The following VEZT variants were observed in gnomAD, a reference collection of about 807,000 sequenced individuals.
VEZT encodes the protein vezatin, adherens junctions transmembrane protein, also known as vezatin.
In VEZT, 39 loss-of-function variants were observed where a neutral mutation model predicts 79.9. The observed-to-expected ratio is 0.49, with a 90% CI of 0.38 to 0.64. VEZT has a LOEUF of 0.64. Among genes scored for constraint, VEZT ranks in the 30% least tolerant of loss-of-function variants. The pLI is 0.00. For synonymous variants in VEZT, 325 were observed against 327.6 expected (o/e 0.99, Z 0.09); for missense variants, 837 against 893.1 (o/e 0.94, Z 0.80).
chr12:95,270,000 A>G, intron 5 of VEZT, 51 bp from the exon 6 acceptor site: 6 of 1,570,196 alleles, frequency 3.8e-6, no homozygotes, highest in Non-Finnish European at 4.3e-6. Flanking sequence ...CAAAAACTTT[A>G]GGACACCTGT....
chr12:95,262,821 A>T, intron 3 of VEZT, 85 bp from the exon 4 acceptor site: 1 of 1,260,412 alleles, frequency 7.9e-7, no homozygotes. Flanking sequence ...AACACCACCA[A>T]ATTTTATTAG....
chr12:95,221,822 G>A (rs2057636771), intron 1 of VEZT, among the ~76,000 whole-genome samples: 1 of 151,864 alleles, frequency 6.6e-6, no homozygotes, highest in Non-Finnish European at 1.5e-5. Context: ...GTGACAGAGT[G>A]AGACCATATC....
chr12:95,257,871 A>C (rs754038334), intron 3 of VEZT, among the ~76,000 whole-genome samples: 3 of 152,002 alleles, frequency 2.0e-5, no homozygotes, highest in Non-Finnish European at 4.4e-5. Context: ...GATTGTTTAC[A>C]AAGTGCTTTC....
chr12:95,236,917 T>C (rs1252804508), intron 1 of VEZT, among the ~76,000 whole-genome samples: 1 of 152,134 alleles, frequency 6.6e-6, no homozygotes, highest in African/African-American at 2.4e-5. Flanking sequence ...GAACTATAGC[T>C]CATCTGAAGC....
At chr12:95,299,377 G>A (rs1201597363) in intron 11 of VEZT, 1 of 152,868 alleles carries the variant, frequency 6.5e-6, no homozygotes, top group East Asian at 1.9e-4. Flanking sequence ...CATCAAGAGG[G>A]GCTAAATAAA....
chr12:95,289,778 TA>T (rs766085501), intron 9 of VEZT, among the ~76,000 whole-genome samples: 47 of 152,230 alleles, frequency 3.1e-4, no homozygotes, highest in Admixed American at 5.2e-4. Flanking sequence ...AAAAAGGTCT[TA>T]TTTTGAAATC....
intron 1 of VEZT, among the ~76,000 whole-genome samples, chr12:95,236,575 CTTT>C (rs767088513): frequency 1.4e-5 from 2 of 141,966 alleles, no homozygotes; most frequent in Non-Finnish European, 3.1e-5. Context: ...TTACTGAATT[CTTT>C]TTTTTTTTTT....
chr12:95,274,989 G>A, intron 7 of VEZT, 100 bp downstream of exon 7: 1 of 1,392,466 alleles, frequency 7.2e-7, no homozygotes, highest in Non-Finnish European at 9.6e-7. Context: ...TCCACTCATT[G>A]TTTGCTGCAT....
At chr12:95,222,177 T>G (rs1325890809) in intron 1 of VEZT, among the ~76,000 whole-genome samples, 2 of 152,328 alleles carry the variant, frequency 1.3e-5, no homozygotes, top group East Asian at 3.9e-4. Context: ...AGCTCCTTAT[T>G]ATAATCCAAT....
intron 7 of VEZT, among the ~76,000 whole-genome samples, chr12:95,280,524 TAC>T (rs10611290): frequency 0.18 from 24,067 of 136,900 alleles, 2,244 homozygotes; most frequent in African/African-American, 0.28. Flanking sequence ...TTCATATGTG[TAC>T]ACACACACAC....
intron 6 of VEZT, among the ~76,000 whole-genome samples, chr12:95,273,361 A>G (rs571930736): frequency 4.6e-5 from 7 of 152,346 alleles, no homozygotes; most frequent in African/African-American, 1.2e-4. Flanking sequence ...ATGCATGCAT[A>G]TATACCTACG....
At chr12:95,223,379 C>T (rs2057916324) in intron 1 of VEZT, among the ~76,000 whole-genome samples, 1 of 152,028 alleles carries the variant, frequency 6.6e-6, no homozygotes, top group Non-Finnish European at 1.5e-5. Flanking sequence ...CAAATTAGAT[C>T]TGATTGTTGT....
intron 4 of VEZT, among the ~76,000 whole-genome samples, chr12:95,264,240 G>A (rs1401138507): frequency 1.3e-5 from 2 of 152,150 alleles, no homozygotes. Flanking sequence ...GGAGCTGATA[G>A]AAGGAACCAT....
At chr12:95,282,731 C>A in intron 8 of VEZT, 87 bp downstream of exon 8, 1 of 1,202,504 alleles carries the variant, frequency 8.3e-7, no homozygotes, top group Non-Finnish European at 1.1e-6. Context: ...TGTGTCCTAC[C>A]TAGAAAAAAG....
At chr12:95,293,739 G>A (rs1293799044) in intron 9 of VEZT, 2 of 155,618 alleles carry the variant, frequency 1.3e-5, no homozygotes, top group Non-Finnish European at 2.8e-5. Flanking sequence ...AGAGAGAAGG[G>A]CAGGTCCTCT....
At chr12:95,236,186 C>T (rs1676667287) in intron 1 of VEZT, among the ~76,000 whole-genome samples, 1 of 152,144 alleles carries the variant, frequency 6.6e-6, no homozygotes, top group Non-Finnish European at 1.5e-5. Context: ...CTTGGGAGGC[C>T]GAGGCTGGCG....
At chr12:95,274,618 C>T in intron 6 of VEZT, 124 bp from the exon 7 acceptor site, 1 of 960,262 alleles carries the variant, frequency 1.0e-6, no homozygotes, top group East Asian at 2.6e-5. Context: ...TGTTTAAAAA[C>T]TGCTGTAAAC....
intron 5 of VEZT, among the ~76,000 whole-genome samples, chr12:95,267,814 G>A (rs2065820371): frequency 6.6e-6 from 1 of 152,118 alleles, no homozygotes; most frequent in Non-Finnish European, 1.5e-5. Context: ...TTGAGCCCAG[G>A]AGTTCAAGAC....
chr12:95,246,114 CT>C (rs1389542830), intron 1 of VEZT, among the ~76,000 whole-genome samples: 3 of 151,800 alleles, frequency 2.0e-5, no homozygotes, highest in Non-Finnish European at 2.9e-5. Flanking sequence ...GATATCTTTT[CT>C]TTTTTTTCTT....
Sources: allele counts gnomAD v4.1 joint callset (sites outside exome capture counted in the v4.1 genomes callset), GRCh38; gene constraint gnomAD v4.1.1; transcripts MANE v1.5; gene names NCBI Gene and HGNC (gene_info 2026-07-23, HGNC 2026-07-21).